Variants in ADGRL3 observed in about 807,000 individuals in gnomAD.
The protein encoded by ADGRL3 is adhesion G protein-coupled receptor L3.
Under a neutral mutation model 153.5 loss-of-function variants are expected in ADGRL3, and 62 were observed. That is an observed-to-expected ratio of 0.40 (90% CI 0.33 to 0.50). ADGRL3 has a LOEUF of 0.50. Ranked by LOEUF, ADGRL3 falls within the 20% of genes least tolerant of loss-of-function variation. ADGRL3 has a pLI of 0.47. For missense variants in ADGRL3, 1,641 were observed against 1,859.4 expected, an observed-to-expected ratio of 0.88 and a Z score of 2.16; for synonymous variants, 710 against 672.5, an observed-to-expected ratio of 1.06 and a Z score of -0.86.
chr4:61,408,886 T>A (rs571126435), intron 2 of ADGRL3, among the ~76,000 whole-genome samples: 1 of 151,886 alleles, frequency 6.6e-6, no homozygotes, highest in Admixed American at 6.6e-5. Flanking sequence ...TTAAATCCTT[T>A]TTGTGGATTA....
chr4:61,646,309 T>C (rs1169561136), intron 5 of ADGRL3, among the ~76,000 whole-genome samples: 2 of 152,208 alleles, frequency 1.3e-5, no homozygotes, highest in African/African-American at 4.8e-5. Flanking sequence ...TCCATCCAGC[T>C]TTGTTTCGTT....
intron 1 of ADGRL3, among the ~76,000 whole-genome samples, chr4:61,375,483 C>G (rs1178399740): frequency 6.6e-6 from 1 of 152,078 alleles, no homozygotes; most frequent in Non-Finnish European, 1.5e-5. Flanking sequence ...TATGAATCAT[C>G]AAGTGTACTC....
intron 1 of ADGRL3, among the ~76,000 whole-genome samples, chr4:61,334,616 C>A (rs2095640225): frequency 6.6e-6 from 1 of 152,076 alleles, no homozygotes; most frequent in South Asian, 2.1e-4. Flanking sequence ...TGAGGTTTCT[C>A]TAGCTGTACT....
At chr4:61,422,315 A>T (rs2097216373) in intron 2 of ADGRL3, among the ~76,000 whole-genome samples, 1 of 152,182 alleles carries the variant, frequency 6.6e-6, no homozygotes, top group African/African-American at 2.4e-5. Context: ...CTTCCTTAAA[A>T]CATTCTTAAA....
rs566349155 is a variant in ADGRL3 at position 61,722,082 on chromosome 4, G to C, written c.584-8540G>C. ...GAGAAAAATGAAGCCAGCTAATTCA[G>C]ATATTAGCCCCAAATCACAGTTTAC... On this transcript the variant is annotated intron_variant, in intron 6 of 26. Coordinates refer to ENST00000683033, the MANE Select transcript of ADGRL3 (RefSeq NM_001387552.1). 1.2e-3 allele frequency among the ~76,000 whole-genome samples: 176 copies of C among 152,218 alleles called. 1 individual carries two copies. Among genetic ancestry groups the C allele is most frequent in the Non-Finnish European group, 1.8e-3 (125 of 68,010 alleles).
chr4:61,857,320 AG>A (rs1418397240), intron 9 of ADGRL3, among the ~76,000 whole-genome samples: 1 of 152,106 alleles, frequency 6.6e-6, no homozygotes, highest in Non-Finnish European at 1.5e-5. Flanking sequence ...GGCATAGTTC[AG>A]GTTGTAATGG....
intron 17 of ADGRL3, among the ~76,000 whole-genome samples, chr4:61,958,766 G>A (rs1050274740): frequency 3.9e-5 from 6 of 152,030 alleles, no homozygotes; most frequent in African/African-American, 1.4e-4. Flanking sequence ...CCACACAGGG[G>A]GATTCCAATT....
intron 1 of ADGRL3, among the ~76,000 whole-genome samples, chr4:61,311,252 A>C (rs545504359): frequency 2.7e-4 from 41 of 152,320 alleles, no homozygotes; most frequent in African/African-American, 9.6e-4. Flanking sequence ...TCTCTTCTCC[A>C]AATGGTGATC....
chr4:62,007,383 T>TATATATATATATATAA (rs71213024), intron 21 of ADGRL3, among the ~76,000 whole-genome samples: 1 of 30,782 alleles, frequency 3.2e-5, no homozygotes, highest in East Asian at 6.6e-4. Context: ...TATATATATA[T>TATATATATATATATAA]ACACACACAC....
chr4:61,749,028 C>T (rs1197725080), intron 8 of ADGRL3, among the ~76,000 whole-genome samples: 5 of 151,608 alleles, frequency 3.3e-5, no homozygotes, highest in African/African-American at 1.2e-4. Flanking sequence ...AAACAAACAA[C>T]CCCATCAAAA....
At chr4:61,830,109 A>G (rs1286837500) in intron 9 of ADGRL3, among the ~76,000 whole-genome samples, 1 of 151,886 alleles carries the variant, frequency 6.6e-6, no homozygotes, top group Non-Finnish European at 1.5e-5. Context: ...TTCCAGGTTC[A>G]AGCAATCCTC....
chr4:61,901,672 G>C (rs1365667578), intron 11 of ADGRL3, among the ~76,000 whole-genome samples: 1 of 152,076 alleles, frequency 6.6e-6, no homozygotes, highest in Non-Finnish European at 1.5e-5. Flanking sequence ...TTTATAAATT[G>C]TTTTGGCCCT....
At chr4:61,343,173 C>T (rs746912764) in intron 1 of ADGRL3, among the ~76,000 whole-genome samples, 40 of 152,212 alleles carry the variant, frequency 2.6e-4, no homozygotes, top group Admixed American at 6.5e-4. Context: ...CAATTCAAGA[C>T]GAGATTTGGG....
chr4:61,858,064 G>T (rs1051569177), intron 9 of ADGRL3, among the ~76,000 whole-genome samples: 1 of 152,172 alleles, frequency 6.6e-6, no homozygotes, highest in Non-Finnish European at 1.5e-5. Context: ...AACAGAGGCC[G>T]CTTTGTGGGA....
At chr4:61,509,110 A>G (rs1170040575) in intron 3 of ADGRL3, among the ~76,000 whole-genome samples, 1 of 149,794 alleles carries the variant, frequency 6.7e-6, no homozygotes, top group Non-Finnish European at 1.5e-5. Context: ...CCACAGAGCC[A>G]AACCATATCA....
intron 21 of ADGRL3, among the ~76,000 whole-genome samples, chr4:62,020,367 C>T (rs913176920): frequency 6.6e-6 from 1 of 152,190 alleles, no homozygotes; most frequent in African/African-American, 2.4e-5. Flanking sequence ...ATTCCAATGA[C>T]CCTACTTTAT....
chr4:61,694,023 A>G (rs967554341), intron 6 of ADGRL3, among the ~76,000 whole-genome samples: 1 of 152,090 alleles, frequency 6.6e-6, no homozygotes, highest in Admixed American at 6.6e-5. Context: ...ACAAATACTG[A>G]ACAACAACAA....
chr4:62,004,245 G>A (rs997989782), intron 21 of ADGRL3, among the ~76,000 whole-genome samples: 1 of 151,806 alleles, frequency 6.6e-6, no homozygotes, highest in Non-Finnish European at 1.5e-5. Flanking sequence ...TATGAAAAAT[G>A]CATCTTAATG....
At chr4:61,473,561 C>G (rs1403075195) in intron 2 of ADGRL3, among the ~76,000 whole-genome samples, 1 of 151,644 alleles carries the variant, frequency 6.6e-6, no homozygotes, top group Non-Finnish European at 1.5e-5. Flanking sequence ...TCAGCTTTTC[C>G]ATATGTAAAA....
Sources: allele counts gnomAD v4.1 joint callset (sites outside exome capture counted in the v4.1 genomes callset), GRCh38; gene constraint gnomAD v4.1.1; transcripts MANE v1.5; gene names NCBI Gene and HGNC (gene_info 2026-07-23, HGNC 2026-07-21).